VPS53: variants seen among roughly 807,000 people sequenced by gnomAD.
The protein encoded by VPS53 is vacuolar protein sorting-associated protein 53 homolog.
Under a neutral mutation model 107.0 loss-of-function variants are expected in VPS53, and 70 were observed. The ratio of observed to expected loss-of-function variants is 0.65; its 90% CI spans 0.54 to 0.80. VPS53 has a LOEUF of 0.80. Among genes scored for constraint, VPS53 ranks in the 30% least tolerant of loss-of-function variants. VPS53 has a pLI of 0.00. For synonymous variants in VPS53, 409 were observed against 393.3 expected (o/e 1.04, Z -0.47); for missense variants, 917 against 1,049.4 (o/e 0.87, Z 1.74).
intron 4 of VPS53, chr17:674,659 C>A (rs1251370064): frequency 1.3e-5 from 2 of 152,240 alleles, no homozygotes; most frequent in Non-Finnish European, 2.9e-5. Flanking sequence ...GCTAATGAGG[C>A]CATGGTCACT....
intron 7 of VPS53, among the ~76,000 whole-genome samples, chr17:647,572 G>A (rs911232480): frequency 1.1e-4 from 16 of 152,154 alleles, no homozygotes; most frequent in Non-Finnish European, 2.2e-4. Flanking sequence ...CTCCATCCAG[G>A]CTCCTTCTTT....
intron 13 of VPS53, among the ~76,000 whole-genome samples, chr17:583,010 A>C (rs537396683): frequency 6.6e-6 from 1 of 151,538 alleles, no homozygotes; most frequent in South Asian, 2.1e-4. Context: ...TTCCCAGAGA[A>C]CCTCCCTCAG....
rs1908616338 is a variant in VPS53, at chr17:520,147, C to T, written c.2224-217G>A. 6.6e-6 allele frequency among the ~76,000 whole-genome samples: 1 copy of T among 152,152 alleles called. No individual in the cohort carries two copies. The highest frequency in any genetic ancestry group is 2.1e-4 in the South Asian group (1 of 4,824). ...CCCAGACTAGAAACGCCCCAGTGGC[C>T]CATCTCATCTTCACATGCCACTACA... On this transcript the variant is annotated intron_variant, in intron 20 of 21. Coordinates refer to ENST00000437048, the MANE Select transcript of VPS53 (RefSeq NM_001128159.3). This position sits in a 1 kb window ranked among gnomAD's most constrained non-coding sequence, Gnocchi z 4.4.
intron 15 of VPS53, among the ~76,000 whole-genome samples, chr17:554,191 C>A (rs1368908530): frequency 6.6e-6 from 1 of 152,158 alleles, no homozygotes; most frequent in Admixed American, 6.5e-5. Flanking sequence ...ACGGGCCAAG[C>A]ACCTCATTAA....
intron 7 of VPS53, among the ~76,000 whole-genome samples, chr17:632,174 G>A (rs1478589499): frequency 6.6e-6 from 1 of 152,136 alleles, no homozygotes; most frequent in Non-Finnish European, 1.5e-5. Context: ...TTGAGCCCAG[G>A]ACTTTTGAAG....
intron 12 of VPS53, among the ~76,000 whole-genome samples, chr17:600,435 C>G (rs1968276489): frequency 6.6e-6 from 1 of 152,240 alleles, no homozygotes; most frequent in South Asian, 2.1e-4. Context: ...ACCCTAGTCC[C>G]TGCTCCCAAA....
At chr17:521,789 C>T (rs1019935394) in intron 19 of VPS53, 51 bp from the exon 20 acceptor site, 24 of 1,411,466 alleles carry the variant, frequency 1.7e-5, no homozygotes, top group East Asian at 5.4e-5. Flanking sequence ...GACCCAGTGC[C>T]GAGTGGACTC....
intron 19 of VPS53, among the ~76,000 whole-genome samples, chr17:525,415 G>A (rs770175522): frequency 6.6e-6 from 1 of 152,178 alleles, no homozygotes; most frequent in Non-Finnish European, 1.5e-5. Flanking sequence ...CAGGCAGGGT[G>A]TGGCAGCTCA....
chr17:647,121 C>G (rs1358944859), intron 7 of VPS53, among the ~76,000 whole-genome samples: 2 of 152,254 alleles, frequency 1.3e-5, no homozygotes, highest in Non-Finnish European at 2.9e-5. Flanking sequence ...GAGACTCCCT[C>G]TTCCTTCTTT....
Position 530,980 on chromosome 17 carries a change from G to A in VPS53, c.2085+1862C>T, listed in dbSNP as rs139978213. Among the ~76,000 whole-genome samples the A allele has an allele frequency of 3.0e-3, 454 of 152,338 alleles. 5 individuals are homozygous for A. The highest frequency in any genetic ancestry group is 5.7e-3 in the African/African-American group (236 of 41,580). On this transcript the variant is annotated intron_variant, in intron 19 of 21. Coordinates refer to ENST00000437048, the MANE Select transcript of VPS53 (RefSeq NM_001128159.3). ...TTGTGGCAAGGCAGACACAGCTGAG[G>A]TTGGGCTAAATCTTAGCTTCCAATG...
chr17:696,377 T>C (rs1972960004), intron 4 of VPS53, among the ~76,000 whole-genome samples: 1 of 152,156 alleles, frequency 6.6e-6, no homozygotes, highest in Non-Finnish European at 1.5e-5. Flanking sequence ...GATTATATGC[T>C]CCTCCCACTC....
intron 12 of VPS53, among the ~76,000 whole-genome samples, chr17:588,524 A>T (rs149808311): frequency 1.3e-5 from 2 of 152,334 alleles, no homozygotes; most frequent in African/African-American, 4.8e-5. Context: ...GTAAAAAATG[A>T]TCACTAAAAA....
chr17:714,584 CGCACTCCCGTTTCCCCTCCT>C lies in VPS53; in HGVS notation c.87+19_87+38del, dbSNP rs933620461. ...CGCCCGGAGCTGCCGTCTCCCCTCC[CGCACTCCCGTTTCCCCTCCT>C]GAGGGGCGGAACGCTTACCTGCTCG... On this transcript the variant is annotated intron_variant, in intron 1 of 21. Transcript: ENST00000437048. 3.8e-6 allele frequency: 6 copies of C among 1,576,988 alleles called. No individual in the cohort carries two copies. In the African/African-American group the frequency reaches 6.8e-5, roughly 18 times the overall value.
intron 4 of VPS53, among the ~76,000 whole-genome samples, chr17:673,014 A>G (rs1972024044): frequency 6.7e-6 from 1 of 150,326 alleles, no homozygotes; most frequent in Non-Finnish European, 1.5e-5. Flanking sequence ...CGGGAGACTT[A>G]GGCAGGAGAA....
chr17:633,696 G>C (rs1194488838), intron 7 of VPS53, among the ~76,000 whole-genome samples: 4 of 152,204 alleles, frequency 2.6e-5, no homozygotes, highest in African/African-American at 9.6e-5. Context: ...AGGCCAGAAT[G>C]ATCCAGACGA....
At chr17:531,943 T>C (rs1177393976) in intron 19 of VPS53, 1 of 143,242 alleles carries the variant, frequency 7.0e-6, no homozygotes, top group Non-Finnish European at 1.5e-5. Flanking sequence ...GCCTGGCTAA[T>C]TGTTTTTTTT....
chr17:579,502 A>G (rs1050773554), intron 13 of VPS53, among the ~76,000 whole-genome samples: 2 of 151,380 alleles, frequency 1.3e-5, no homozygotes, highest in East Asian at 3.9e-4. Flanking sequence ...GCGTTTCCAG[A>G]GAACCTCCCT....
intron 19 of VPS53, among the ~76,000 whole-genome samples, chr17:522,258 A>T (rs1908819817): frequency 6.6e-6 from 1 of 152,240 alleles, no homozygotes; most frequent in Non-Finnish European, 1.5e-5. Flanking sequence ...ACCCTGCCTC[A>T]GTAACAAACC....
chr17:691,833 T>C (rs940805511), intron 4 of VPS53, among the ~76,000 whole-genome samples: 10 of 152,302 alleles, frequency 6.6e-5, no homozygotes, highest in African/African-American at 9.6e-5. Flanking sequence ...ATTTTATTTT[T>C]AGTTATTGTG....
Sources: allele counts gnomAD v4.1 joint callset (sites outside exome capture counted in the v4.1 genomes callset), GRCh38; gene constraint gnomAD v4.1.1; non-coding constraint Gnocchi (gnomAD v3.1); transcripts MANE v1.5; gene names NCBI Gene and HGNC (gene_info 2026-07-23, HGNC 2026-07-21).